SORBS2: variants seen among roughly 807,000 people sequenced by gnomAD.
SORBS2 encodes sorbin and SH3 domain-containing protein 2.
SORBS2 carries 46 observed loss-of-function variants against 97.7 expected under a neutral mutation model. That is an observed-to-expected ratio of 0.47 (90% CI 0.37 to 0.60). The LOEUF (loss-of-function observed/expected upper bound fraction) is 0.60, where lower values mean the gene tolerates loss of function less well. Ranked by LOEUF, SORBS2 falls within the 20% of genes least tolerant of loss-of-function variation. The probability of loss-of-function intolerance (pLI) is 0.00; values close to 1 mark genes in which losing one functional copy is unlikely to be tolerated. For synonymous variants in SORBS2, 476 were observed against 473.4 expected (o/e 1.01, Z -0.07); for missense variants, 1,316 against 1,282.3 (o/e 1.03, Z -0.40).
chr4:185,840,795 G>A (rs1430519478), intron 1 of SORBS2, among the ~76,000 whole-genome samples: 1 of 152,160 alleles, frequency 6.6e-6, no homozygotes, highest in Admixed American at 6.5e-5. Context: ...CGAGATGAAG[G>A]CAACAGAATC....
chr4:185,850,928 C>G (rs1353314039), intron 1 of SORBS2, among the ~76,000 whole-genome samples: 1 of 152,128 alleles, frequency 6.6e-6, no homozygotes, highest in Non-Finnish European at 1.5e-5. Context: ...AATTCACTCC[C>G]TCTCAGGTTG....
At chr4:185,805,650 T>C (rs2099150098) in intron 1 of SORBS2, among the ~76,000 whole-genome samples, 1 of 152,214 alleles carries the variant, frequency 6.6e-6, no homozygotes, top group South Asian at 2.1e-4. Flanking sequence ...AACACCGGTC[T>C]ATTCACACTG....
At chr4:185,736,956 T>G (rs2098691584) in intron 2 of SORBS2, among the ~76,000 whole-genome samples, 1 of 152,148 alleles carries the variant, frequency 6.6e-6, no homozygotes, top group Non-Finnish European at 1.5e-5. Flanking sequence ...TGCTAACATT[T>G]CTCCTTCGAG....
intron 1 of SORBS2, among the ~76,000 whole-genome samples, chr4:185,866,567 C>T (rs1316510098): frequency 6.6e-6 from 1 of 152,168 alleles, no homozygotes; most frequent in East Asian, 1.9e-4. Flanking sequence ...AACGGATTCG[C>T]TTGCTTTAGT....
chr4:185,892,683 C>T (rs558216502), intron 1 of SORBS2, among the ~76,000 whole-genome samples: 3 of 152,254 alleles, frequency 2.0e-5, no homozygotes, highest in East Asian at 3.9e-4. Flanking sequence ...AGGAAAAATC[C>T]TGTATGATTC....
intron 2 of SORBS2, among the ~76,000 whole-genome samples, chr4:185,715,309 A>G (rs2153553555): frequency 6.6e-6 from 1 of 152,308 alleles, no homozygotes; most frequent in East Asian, 1.9e-4. Context: ...TTCTATTTTG[A>G]TATTAATTTA....
At position 185,630,529 on chromosome 4, in the gene SORBS2, C is replaced by T; in HGVS notation, c.446+20G>A. 1 of 1,508,434 alleles carries T rather than the reference C, an allele frequency of 6.6e-7. No individual in the cohort carries two copies. Among genetic ancestry groups the T allele is most frequent in the Non-Finnish European group, 9.1e-7 (1 of 1,098,050 alleles). 93.4% of individuals were successfully genotyped at this position (1,508,434 alleles called of 1,614,324 possible). A position where few individuals can be genotyped will look rare whatever the true frequency, so the allele number is the denominator to read the frequency against. ...ACCACTGGTATAGAATATTCTGCTA[C>T]AACATAATAAGATTCTTACCTCATG... On this transcript the variant is annotated intron_variant, in intron 5 of 14. Coordinates refer to ENST00000418609, the Ensembl canonical transcript of SORBS2.
intron 1 of SORBS2, among the ~76,000 whole-genome samples, chr4:185,868,159 C>CTTTCTTTTTTTTTTTTTTT (rs59057506): frequency 1.3e-4 from 14 of 105,214 alleles, no homozygotes; most frequent in African/African-American, 5.5e-4. Flanking sequence ...TTTTTTCTTT[C>CTTTCTTTTTTTTTTTTTTT]TTTTTTTTTT....
At chr4:185,844,308 C>T (rs2099213235) in intron 1 of SORBS2, among the ~76,000 whole-genome samples, 1 of 152,146 alleles carries the variant, frequency 6.6e-6, no homozygotes, top group Non-Finnish European at 1.5e-5. Context: ...CTCAAAGAGA[C>T]ATTTCTCTAA....
chr4:185,736,420 C>A (rs1309198900), intron 2 of SORBS2, among the ~76,000 whole-genome samples: 3 of 152,160 alleles, frequency 2.0e-5, no homozygotes, highest in Non-Finnish European at 2.9e-5. Context: ...GAAGCCTGAC[C>A]ACAAAGCAAC....
At chr4:185,768,261 G>A (rs1486165358) in intron 2 of SORBS2, among the ~76,000 whole-genome samples, 1 of 152,112 alleles carries the variant, frequency 6.6e-6, no homozygotes, top group African/African-American at 2.4e-5. Flanking sequence ...TCATTGAAGG[G>A]CCTAGACTGA....
rs1561268973 is a variant in SORBS2 at position 185,886,569 on chromosome 4, A to AAAAAG, written c.-338+69622_-338+69626dup. Among the ~76,000 whole-genome samples the AAAAAG allele has an allele frequency of 3.5e-3, 484 of 137,612 alleles. 8 individuals carry two copies. The highest frequency in any genetic ancestry group is 0.021 in the East Asian group (83 of 4,030). 90.3% of individuals were successfully genotyped at this position (137,612 alleles called of 152,430 possible). A position where few individuals can be genotyped will look rare whatever the true frequency, so the allele number is the denominator to read the frequency against. ...GACTCTGTCTCAAAAAAAAAAAAAA[A>AAAAAG]AAAAGAAAAGAAAAAAAAAAGAAAA... On this transcript the variant is annotated intron_variant, in intron 1 of 20. Transcript: ENST00000284776.
chr4:185,851,967 C>A (rs2099218129), intron 1 of SORBS2, among the ~76,000 whole-genome samples: 1 of 152,118 alleles, frequency 6.6e-6, no homozygotes, highest in Non-Finnish European at 1.5e-5. Flanking sequence ...AGAACCCTGA[C>A]TAATATAAGA....
chr4:185,736,473 A>T (rs973493171), intron 2 of SORBS2, among the ~76,000 whole-genome samples: 5 of 152,188 alleles, frequency 3.3e-5, no homozygotes, highest in African/African-American at 9.7e-5. Flanking sequence ...GACTCCAGAG[A>T]AAGTAGGAAG....
intron 1 of SORBS2, among the ~76,000 whole-genome samples, chr4:185,924,883 C>A (rs185993679): frequency 1.3e-5 from 2 of 152,286 alleles, no homozygotes; most frequent in Admixed American, 6.5e-5. Context: ...GAAACCACTC[C>A]ATGTGTGTCC....
exon 15 of SORBS2, chr4:185,586,491 T>C (rs937306897): frequency 1.3e-5 from 2 of 152,650 alleles, no homozygotes; most frequent in African/African-American, 4.8e-5. Flanking sequence ...AAAATAATTA[T>C]TATAGTAAAA....
At chr4:185,635,596 G>A (rs527807999) in intron 4 of SORBS2, among the ~76,000 whole-genome samples, 185 bp from the exon 16 acceptor site, 34 of 152,156 alleles carry the variant, frequency 2.2e-4, no homozygotes, top group African/African-American at 7.2e-4. Context: ...AGTGTGCAAC[G>A]TCTGCAAATA....
At chr4:185,753,552 C>G (rs191907485) in intron 2 of SORBS2, among the ~76,000 whole-genome samples, 14 of 152,166 alleles carry the variant, frequency 9.2e-5, no homozygotes, top group Admixed American at 8.5e-4. Flanking sequence ...TATAAAAATG[C>G]TCCTTTCAGA....
intron 8 of SORBS2, 84 bp downstream of exon 20, chr4:185,619,979 T>C (rs1363223739): frequency 1.2e-6 from 1 of 842,676 alleles, no homozygotes; most frequent in Non-Finnish European, 2.1e-6. Context: ...CCGAGTTCGT[T>C]ACTGGTTTGG....
Sources: allele counts gnomAD v4.1 joint callset (sites outside exome capture counted in the v4.1 genomes callset), GRCh38; gene constraint gnomAD v4.1.1; transcripts MANE v1.5; gene names NCBI Gene and HGNC (gene_info 2026-07-23, HGNC 2026-07-21).